ANKRD30BL: variants seen among roughly 807,000 people sequenced by gnomAD.
ANKRD30BL encodes putative ankyrin repeat domain-containing protein 30B-like.
In ANKRD30BL, 20 loss-of-function variants were observed where a neutral mutation model predicts 18.4. The ratio of observed to expected loss-of-function variants is 1.09; its 90% CI spans 0.77 to 1.58. The LOEUF is 1.58. Ranked by LOEUF, ANKRD30BL falls within the 40% of genes most tolerant of loss-of-function variation. The probability of loss-of-function intolerance (pLI) is 0.00; values close to 1 mark genes in which losing one functional copy is unlikely to be tolerated. For synonymous variants in ANKRD30BL, 72 were observed against 100.9 expected, an observed-to-expected ratio of 0.71 and a Z score of 1.72; for missense variants, 224 against 268.6, an observed-to-expected ratio of 0.83 and a Z score of 1.16.
upstream of ANKRD30BL, among the ~76,000 whole-genome samples, chr2:132,166,434 G>T (rs1240979195): frequency 6.6e-6 from 1 of 151,824 alleles, no homozygotes; most frequent in African/African-American, 2.4e-5. Flanking sequence ...AAACATTGGG[G>T]GGGTGAGGGG....
chr2:132,171,822 T>C (rs1688289157), intron 1 of ANKRD30BL, among the ~76,000 whole-genome samples: 3 of 152,212 alleles, frequency 2.0e-5, no homozygotes, highest in Non-Finnish European at 4.4e-5. Flanking sequence ...CCACCGTTCA[T>C]TTCCAGAACT....
intron 1 of ANKRD30BL, among the ~76,000 whole-genome samples, chr2:132,187,452 C>A (rs1688587230): frequency 6.6e-6 from 1 of 151,350 alleles, no homozygotes; most frequent in South Asian, 2.1e-4. Context: ...GTAGCTGGGA[C>A]CACAGGCGCC....
At chr2:132,173,292 A>G (rs1030532983) in intron 1 of ANKRD30BL, among the ~76,000 whole-genome samples, 40 of 137,108 alleles carry the variant, frequency 2.9e-4, no homozygotes, top group Non-Finnish European at 1.9e-4. Flanking sequence ...TTATTAATCA[A>G]TTTTGCTTCT....
chr2:132,253,918 G>A (rs1045914165), intron 1 of ANKRD30BL, among the ~76,000 whole-genome samples: 5 of 152,084 alleles, frequency 3.3e-5, no homozygotes, highest in African/African-American at 1.2e-4. Context: ...GGTGACGATG[G>A]TGGCAGCGGC....
chr2:132,157,652 T>G (rs963919618), intron 1 of ANKRD30BL, among the ~76,000 whole-genome samples: 1 of 152,200 alleles, frequency 6.6e-6, no homozygotes, highest in African/African-American at 2.4e-5. Flanking sequence ...TCAGTTCAAC[T>G]TGGGCTTGAA....
chr2:132,148,021 A>G lies in ANKRD30BL; in HGVS notation c.*110T>C. 1.3e-6 allele frequency: 1 copy of G among 778,528 alleles called. No individual in the cohort carries two copies. Among genetic ancestry groups the G allele is most frequent in the Non-Finnish European group, 2.2e-6 (1 of 458,726 alleles). 48.2% of individuals were successfully genotyped at this position (778,528 alleles called of 1,614,324 possible). A position where few individuals can be genotyped will look rare whatever the true frequency, so the allele number is the denominator to read the frequency against. ...GAACAGAGAAGCTGAACATACTGACATATTTGTTCTTTGATGAGGAACTCA... is the reference window on the plus strand; with the variant it reads ...GAACAGAGAAGCTGAACATACTGACGTATTTGTTCTTTGATGAGGAACTCA... On this transcript the variant is annotated 3_prime_UTR_variant, in exon 6 of 6. Coordinates refer to ENST00000409867, the MANE Select transcript of ANKRD30BL (RefSeq NM_001358416.1).
intron 1 of ANKRD30BL, among the ~76,000 whole-genome samples, chr2:132,224,261 G>T (rs1573862514): frequency 1.3e-5 from 2 of 151,872 alleles, no homozygotes; most frequent in Admixed American, 6.6e-5. Flanking sequence ...TCTGCAAGTG[G>T]ACATTTGGAG....
At chr2:132,242,757 T>A (rs1044915623) in intron 1 of ANKRD30BL, among the ~76,000 whole-genome samples, 2 of 151,826 alleles carry the variant, frequency 1.3e-5, no homozygotes, top group East Asian at 1.9e-4. Flanking sequence ...TTCTTTTTGA[T>A]GTGTGTACTC....
chr2:132,170,562 C>CT (rs1253167210), intron 1 of ANKRD30BL, among the ~76,000 whole-genome samples: 2 of 152,186 alleles, frequency 1.3e-5, no homozygotes, highest in South Asian at 2.1e-4. Flanking sequence ...AGAATCTGTC[C>CT]TTTTTTCTTG....
chr2:132,252,428 G>A (rs1445472673), intron 1 of ANKRD30BL, among the ~76,000 whole-genome samples: 1 of 152,188 alleles, frequency 6.6e-6, no homozygotes, highest in Non-Finnish European at 1.5e-5. Flanking sequence ...AGCATCCAGT[G>A]GATCACCACC....
intron 1 of ANKRD30BL, among the ~76,000 whole-genome samples, chr2:132,181,529 C>G (rs80097025): frequency 6.6e-6 from 1 of 152,006 alleles, no homozygotes; most frequent in Non-Finnish European, 1.5e-5. Context: ...AGAGATTCCC[C>G]TTAACTTCTA....
chr2:132,244,932 C>A (rs907111065), intron 1 of ANKRD30BL, among the ~76,000 whole-genome samples: 7 of 152,286 alleles, frequency 4.6e-5, no homozygotes, highest in African/African-American at 1.4e-4. Flanking sequence ...GAAATATCTT[C>A]CCATAAAAAC....
chr2:132,232,991 C>T (rs567725855), intron 1 of ANKRD30BL, among the ~76,000 whole-genome samples: 43 of 152,200 alleles, frequency 2.8e-4, no homozygotes, highest in African/African-American at 8.4e-4. Flanking sequence ...GATCTCTTGG[C>T]AGAAACCCTA....
chr2:132,246,477 AC>A, intron 1 of ANKRD30BL, among the ~76,000 whole-genome samples: 1 of 152,010 alleles, frequency 6.6e-6, no homozygotes, highest in Non-Finnish European at 1.5e-5. Context: ...TTCACATGAA[AC>A]TAGACAGAAC....
intron 4 of ANKRD30BL, among the ~76,000 whole-genome samples, chr2:132,153,863 C>T (rs535676531): frequency 2.8e-4 from 42 of 152,246 alleles, no homozygotes; most frequent in Middle Eastern, 3.4e-3. Context: ...GGTGAAAAGA[C>T]TCATGTCTCA....
At chr2:132,230,409 T>C (rs1168194076) in intron 1 of ANKRD30BL, among the ~76,000 whole-genome samples, 2 of 152,050 alleles carry the variant, frequency 1.3e-5, no homozygotes, top group East Asian at 1.9e-4. Context: ...TGAAACACTC[T>C]TTTTGTATTA....
At chr2:132,163,844 G>C (rs926758735), upstream of ANKRD30BL, among the ~76,000 whole-genome samples, 6 of 152,206 alleles carry the variant, frequency 3.9e-5, no homozygotes, top group African/African-American at 1.4e-4. Context: ...AGACTTGAGT[G>C]TTAGATATGC....
chr2:132,236,814 A>T (rs1680163584), intron 1 of ANKRD30BL, among the ~76,000 whole-genome samples: 1 of 151,960 alleles, frequency 6.6e-6, no homozygotes, highest in South Asian at 2.1e-4. Flanking sequence ...TGCTATAAAG[A>T]CACATGCACA....
At chr2:132,194,269 A>G (rs1447662195) in intron 1 of ANKRD30BL, among the ~76,000 whole-genome samples, 1 of 152,192 alleles carries the variant, frequency 6.6e-6, no homozygotes, top group East Asian at 1.9e-4. Context: ...AGCTGGTATG[A>G]AGAACCTGTT....
Sources: gnomAD v4.1 joint callset for allele counts (sites outside exome capture counted in the v4.1 genomes callset) on GRCh38, gnomAD v4.1.1 for gene constraint, MANE v1.5 for transcripts, NCBI Gene and HGNC (gene_info 2026-07-23, HGNC 2026-07-21) for gene names.